Variants in UTRN observed in about 807,000 individuals in gnomAD.
UTRN encodes utrophin.
A neutral mutation model predicts 463.9 loss-of-function variants in UTRN; 283 were observed. That is an observed-to-expected ratio of 0.61 (90% CI 0.55 to 0.67). The LOEUF (loss-of-function observed/expected upper bound fraction) is 0.67. UTRN is among the 30% of genes least tolerant of loss of function. The pLI is 0.00. For missense variants in UTRN, 3,922 were observed against 4,084.3 expected, an observed-to-expected ratio of 0.96 and a Z score of 1.08; for synonymous variants, 1,442 against 1,431.5, an observed-to-expected ratio of 1.01 and a Z score of -0.17.
In UTRN at chr6:144,539,277, T is replaced by G; in HGVS notation, c.6370-17T>G. ...TCTGACTACCTTCTAACCACACCTA[T>G]CTTTTAACTTCTCCAGGACTTAACT... On this transcript the variant is annotated splice_polypyrimidine_tract_variant and intron_variant, in intron 44 of 74. Transcript: ENST00000367545. 6.3e-7 allele frequency: 1 copy of G among 1,593,732 alleles called. No individual in the cohort carries two copies. The highest frequency in any genetic ancestry group is 8.5e-7 in the Non-Finnish European group (1 of 1,170,168).
intron 53 of UTRN, among the ~76,000 whole-genome samples, chr6:144,719,111 A>G (rs190423522): frequency 2.0e-5 from 3 of 152,300 alleles, no homozygotes; most frequent in East Asian, 3.9e-4. Context: ...CCACAGACCT[A>G]CTTTGTATGA....
At chr6:144,497,702 A>G (rs1198372548) in intron 33 of UTRN, among the ~76,000 whole-genome samples, 1 of 151,900 alleles carries the variant, frequency 6.6e-6, no homozygotes, top group East Asian at 1.9e-4. Flanking sequence ...AAAAGGTAGA[A>G]GCATGCAGAA....
chr6:144,445,330 G>T (rs1240157337), intron 14 of UTRN, among the ~76,000 whole-genome samples: 1 of 115,176 alleles, frequency 8.7e-6, no homozygotes, highest in Non-Finnish European at 1.6e-5. Context: ...CAGCCTGGGA[G>T]ACAAGAGCGA....
chr6:144,429,669 C>T lies in UTRN; in HGVS notation c.783C>T (p.Asp261=), dbSNP rs549708995. ...TGCTACCTCAGCAAGTCACCATAGA[C>T]GCCATCCGTGAGGTAGAGACACTCC... is the stretch of plus-strand genomic sequence containing the variant. ...FEVLPQQVTI[D]AIREVETLPR... The change falls in exon 9 of 75, where the codon GAC becomes GAT. Residue 261 remains aspartate, a synonymous_variant. Transcript: ENST00000367545. 38 of 1,612,806 alleles carry T rather than the reference C, an allele frequency of 2.4e-5. No homozygotes were observed. The highest frequency in any genetic ancestry group is 3.3e-4 in the Middle Eastern group (2 of 6,062).
intron 33 of UTRN, among the ~76,000 whole-genome samples, chr6:144,494,243 G>A (rs1015631167): frequency 1.3e-5 from 2 of 152,076 alleles, no homozygotes; most frequent in Non-Finnish European, 2.9e-5. Flanking sequence ...TCTGATGTTC[G>A]GATGTGCTTG....
intron 23 of UTRN, among the ~76,000 whole-genome samples, chr6:144,470,350 G>GCGGC: frequency 1.3e-5 from 2 of 151,866 alleles, no homozygotes; most frequent in African/African-American, 2.4e-5. Flanking sequence ...CCCAGATGGG[G>GCGGC]TGGCTGCCGG....
At chr6:144,803,753 T>G (rs754416667) in intron 65 of UTRN, among the ~76,000 whole-genome samples, 8 of 152,062 alleles carry the variant, frequency 5.3e-5, no homozygotes, top group Non-Finnish European at 8.8e-5. Context: ...AATTTTCTGA[T>G]GTTATAAATA....
At chr6:144,291,681 T>G in intron 1 of UTRN, 56 bp from the exon 2 acceptor site, 3 of 534,478 alleles carry the variant, frequency 5.6e-6, no homozygotes, top group Non-Finnish European at 9.4e-6. Flanking sequence ...TACGAATAAC[T>G]ATATAAAATA....
chr6:144,471,068 G>C (rs1431466977), intron 23 of UTRN, among the ~76,000 whole-genome samples: 3 of 109,722 alleles, frequency 2.7e-5, no homozygotes, highest in Admixed American at 8.9e-5. Context: ...GAGGGAGGGG[G>C]AGGGGGCGAG....
intron 51 of UTRN, among the ~76,000 whole-genome samples, chr6:144,580,320 G>A (rs1283574844): frequency 6.6e-6 from 1 of 152,184 alleles, no homozygotes; most frequent in African/African-American, 2.4e-5. Flanking sequence ...GGATGTGTAT[G>A]TAGAACTACT....
intron 53 of UTRN, among the ~76,000 whole-genome samples, chr6:144,714,894 A>G (rs1305470865): frequency 6.6e-6 from 1 of 151,646 alleles, no homozygotes; most frequent in Non-Finnish European, 1.5e-5. Flanking sequence ...CTTGACTTCT[A>G]GAACACCGCA....
chr6:144,402,269 C>A (rs563420546), intron 2 of UTRN, among the ~76,000 whole-genome samples: 4 of 152,278 alleles, frequency 2.6e-5, no homozygotes, highest in African/African-American at 9.6e-5. Context: ...TATTATTTAT[C>A]CCCATTTTAC....
chr6:144,569,961 T>G (rs1334690173), intron 50 of UTRN, among the ~76,000 whole-genome samples: 2 of 152,160 alleles, frequency 1.3e-5, no homozygotes, highest in Non-Finnish European at 2.9e-5. Flanking sequence ...CCCTAGACCC[T>G]CCAGAAATAA....
intron 73 of UTRN, 80 bp downstream of exon 73, chr6:144,840,912 T>C (rs1781519804): frequency 2.1e-6 from 3 of 1,454,942 alleles, no homozygotes; most frequent in Non-Finnish European, 2.9e-6. Context: ...CTTCGCCTTC[T>C]TCCTTAAGAT....
At chr6:144,758,154 A>G in intron 58 of UTRN, 165 bp downstream of exon 58, 1 of 542,688 alleles carries the variant, frequency 1.8e-6, no homozygotes, top group African/African-American at 1.9e-5. Context: ...TAACATGAGA[A>G]TTATATTTTT....
intron 66 of UTRN, among the ~76,000 whole-genome samples, chr6:144,826,499 C>T (rs1193917580): frequency 1.3e-5 from 2 of 152,034 alleles, no homozygotes; most frequent in African/African-American, 4.8e-5. Flanking sequence ...CCTCAAAAAG[C>T]TAGGGTTGGA....
chr6:144,331,235 G>A (rs1305145388), intron 2 of UTRN, among the ~76,000 whole-genome samples: 1 of 152,114 alleles, frequency 6.6e-6, no homozygotes, highest in Non-Finnish European at 1.5e-5. Flanking sequence ...AATCTAACAA[G>A]GTCAGTCATT....
intron 23 of UTRN, among the ~76,000 whole-genome samples, chr6:144,473,343 G>T (rs552535783): frequency 1.3e-5 from 2 of 152,138 alleles, no homozygotes; most frequent in Non-Finnish European, 2.9e-5. Context: ...TTCCTGCTCT[G>T]AGTTACTAAC....
At chr6:144,377,416 C>T (rs1780561666) in intron 2 of UTRN, among the ~76,000 whole-genome samples, 1 of 152,130 alleles carries the variant, frequency 6.6e-6, no homozygotes, top group African/African-American at 2.4e-5. Flanking sequence ...ATTCTATCAC[C>T]ATGTATTTCC....
Sources: allele counts gnomAD v4.1 joint callset (sites outside exome capture counted in the v4.1 genomes callset), GRCh38; gene constraint gnomAD v4.1.1; transcripts MANE v1.5; gene names NCBI Gene and HGNC (gene_info 2026-07-23, HGNC 2026-07-21).